LEPR: variants seen among roughly 807,000 people sequenced by gnomAD.
The protein encoded by LEPR is leptin receptor, also known as OB receptor.
LEPR carries 56 observed loss-of-function variants against 114.7 expected under a neutral mutation model. The ratio of observed to expected loss-of-function variants is 0.49; its 90% CI spans 0.39 to 0.61. LEPR has a LOEUF of 0.61. Among genes scored for constraint, LEPR ranks in the 20% least tolerant of loss-of-function variants. The probability of loss-of-function intolerance (pLI) is 0.00; values close to 1 mark genes in which losing one functional copy is unlikely to be tolerated. For missense variants in LEPR, 1,202 were observed against 1,352.9 expected (o/e 0.89, Z 1.75); for synonymous variants, 443 against 461.4 (o/e 0.96, Z 0.51).
Position 65,461,665 on chromosome 1 carries a change from G to A in LEPR, c.-21+36287G>A, listed in dbSNP as rs776439033. 5.4e-4 allele frequency among the ~76,000 whole-genome samples: 82 copies of A among 152,292 alleles called. 1 individual carries two copies. The highest frequency in any genetic ancestry group is 1.8e-3 in the African/African-American group (76 of 41,554). ...ATTTATGTAGATACTCTGTCCTCAA[G>A]GAGGTAGAGCATAATTCCACATTCA... On this transcript the variant is annotated intron_variant, in intron 2 of 19. Transcript: ENST00000349533.
intron 2 of LEPR, among the ~76,000 whole-genome samples, chr1:65,528,161 GAA>G (rs60902338): frequency 5.3e-4 from 76 of 143,784 alleles, no homozygotes; most frequent in Middle Eastern, 3.6e-3. Context: ...AAAGTATCCA[GAA>G]AAAAAAAAAA....
intron 2 of LEPR, among the ~76,000 whole-genome samples, chr1:65,506,410 A>G (rs1648731997): frequency 6.6e-6 from 1 of 152,194 alleles, no homozygotes; most frequent in African/African-American, 2.4e-5. Flanking sequence ...ATTGCATTTC[A>G]CTGGAGATCT....
intron 2 of LEPR, among the ~76,000 whole-genome samples, chr1:65,460,610 C>G (rs867264807): frequency 3.9e-5 from 6 of 152,224 alleles, no homozygotes; most frequent in Non-Finnish European, 8.8e-5. Flanking sequence ...AGGGGCCATG[C>G]GCGATGGCTC....
At position 65,437,601 on chromosome 1, in the gene LEPR, C is replaced by T. The variant is rs562575753; in HGVS notation, c.-21+12223C>T. Among the ~76,000 whole-genome samples the T allele has an allele frequency of 4.6e-5, 7 of 151,764 alleles. No homozygotes were observed. In the South Asian group the frequency reaches 8.3e-4, roughly 18 times the overall value. On this transcript the variant is annotated intron_variant, in intron 2 of 19. Coordinates refer to ENST00000349533, the MANE Select transcript of LEPR (RefSeq NM_002303.6). ...CGGAGGTTGCAGTGAGCCGAGATCG[C>T]GCCACTGCACTCTAGCCTAGGCGAC...
At chr1:65,541,899 G>A (rs1651216008) in intron 2 of LEPR, among the ~76,000 whole-genome samples, 1 of 152,136 alleles carries the variant, frequency 6.6e-6, no homozygotes, top group Admixed American at 6.5e-5. Context: ...AATGGAGCAA[G>A]TTGTAAATAA....
At chr1:65,566,010 T>C (rs748330819) in intron 3 of LEPR, among the ~76,000 whole-genome samples, 1 of 152,168 alleles carries the variant, frequency 6.6e-6, no homozygotes, top group African/African-American at 2.4e-5. Context: ...CTTTTTACCT[T>C]TATCAGTATT....
chr1:65,480,434 C>G (rs911794508), intron 2 of LEPR, among the ~76,000 whole-genome samples: 1 of 151,920 alleles, frequency 6.6e-6, no homozygotes, highest in African/African-American at 2.4e-5. Context: ...TAGAGTGAAG[C>G]TAAGATATAA....
At chr1:65,499,552 T>C (rs1415850268) in intron 2 of LEPR, among the ~76,000 whole-genome samples, 2 of 152,166 alleles carry the variant, frequency 1.3e-5, no homozygotes, top group Non-Finnish European at 2.9e-5. Flanking sequence ...AGTCCCAGCC[T>C]TCACGAGTAT....
In LEPR at chr1:65,612,757, G is replaced by A. The variant is rs1298331570; in HGVS notation, c.1995+2461G>A. On this transcript the variant is annotated intron_variant, in intron 14 of 19. Transcript: ENST00000349533. ...GTAGAATCTCCATCAAATGGGTTTT[G>A]TCTAATGTTTTCTCATGATTAATTT... Among the ~76,000 whole-genome samples, 3 of 152,140 alleles carry A rather than the reference G, an allele frequency of 2.0e-5. No homozygotes were observed. In the East Asian group the frequency reaches 5.8e-4, roughly 29 times the overall value.
chr1:65,447,974 C>T (rs78204459), intron 2 of LEPR, among the ~76,000 whole-genome samples: 3,297 of 152,250 alleles, frequency 0.022, 137 homozygotes, highest in African/African-American at 0.075. Flanking sequence ...TGAACAAAGA[C>T]AGTAATATAT....
At chr1:65,421,399 C>T in intron 1 of LEPR, 1 of 1,536,078 alleles carries the variant, frequency 6.5e-7, no homozygotes, top group Non-Finnish European at 8.7e-7. Flanking sequence ...CGTCCCTTAT[C>T]TGTATGGCTT....
At chr1:65,480,956 T>C (rs1237256123) in intron 2 of LEPR, among the ~76,000 whole-genome samples, 1 of 152,210 alleles carries the variant, frequency 6.6e-6, no homozygotes, top group Non-Finnish European at 1.5e-5. Context: ...CCTAGAGCTC[T>C]TATAACAAAA....
rs1237254059 is a variant in LEPR at position 65,432,333 on chromosome 1, T to C, written c.-21+6955T>C. ...CCTCTTTGTGTTGTAGTCCATGCTATTAAAAGTGTGGCCCACAGACCAAGA... is the reference window on the plus strand; with the variant it reads ...CCTCTTTGTGTTGTAGTCCATGCTACTAAAAGTGTGGCCCACAGACCAAGA... On this transcript the variant is annotated intron_variant, in intron 2 of 19. Transcript: ENST00000349533. 3 of 987,354 alleles carry C rather than the reference T, an allele frequency of 3.0e-6. No individual in the cohort carries two copies. In the Admixed American group the frequency reaches 1.8e-4, roughly 60 times the overall value. 61.2% of individuals were successfully genotyped at this position (987,354 alleles called of 1,614,324 possible).
chr1:65,588,676 T>C lies in LEPR; in HGVS notation c.495-3981T>C, dbSNP rs1655486105. ...TATTACTCTAGCATTTTTTAGAACT[T>C]TATATAAATGCAATCATACAGTACT... On this transcript the variant is annotated intron_variant, in intron 5 of 19. Transcript: ENST00000349533. Among the ~76,000 whole-genome samples the C allele has an allele frequency of 1.3e-5, 2 of 152,014 alleles. 1 individual carries two copies. The highest frequency in any genetic ancestry group is 1.3e-4 in the Admixed American group (2 of 15,202).
intron 2 of LEPR, among the ~76,000 whole-genome samples, chr1:65,485,108 G>A (rs1159053860): frequency 6.6e-6 from 1 of 152,088 alleles, no homozygotes; most frequent in Non-Finnish European, 1.5e-5. Flanking sequence ...ATCTACTGGG[G>A]TTCAAATTCC....
intron 2 of LEPR, among the ~76,000 whole-genome samples, chr1:65,547,985 C>T (rs1651911720): frequency 6.6e-6 from 1 of 151,432 alleles, no homozygotes; most frequent in Non-Finnish European, 1.5e-5. Context: ...TTGAATGTGT[C>T]CCAGAGATTC....
intron 10 of LEPR, 115 bp from the exon 11 acceptor site, chr1:65,604,923 C>T: frequency 7.7e-7 from 1 of 1,300,126 alleles, no homozygotes; most frequent in Non-Finnish European, 1.1e-6. Flanking sequence ...GAAACCGGTC[C>T]CTGGTGCCAA....
chr1:65,637,105 C>G lies in LEPR; in HGVS notation c.*90C>G. 1 of 1,369,008 alleles carries G rather than the reference C, an allele frequency of 7.3e-7. No individual in the cohort carries two copies. The highest frequency in any genetic ancestry group is 2.3e-5 in the East Asian group (1 of 42,664). The allele number at this position is 1,369,008 out of a possible 1,614,324, so 84.8% of individuals were successfully genotyped here. On this transcript the variant is annotated 3_prime_UTR_variant, in exon 20 of 20. Transcript: ENST00000349533. ...TGTGGGTGGGAGAGAGAAAAGAAACCAGAGTCAAATTTGAAAATAATTGTT... is the reference window on the plus strand; with the variant it reads ...TGTGGGTGGGAGAGAGAAAAGAAACGAGAGTCAAATTTGAAAATAATTGTT...
rs1458452176 is a variant in LEPR, at chr1:65,633,166, T to C, written c.2674-3025T>C. The C allele has an allele frequency of 6.2e-7, 1 of 1,601,878 alleles. No individual in the cohort carries two copies. Among genetic ancestry groups the C allele is most frequent in the East Asian group, 2.2e-5 (1 of 44,714 alleles). ...TATCTAAACAGAGAACGGACATTCT[T>C]TGAAGTCTAATCATGATCACTACAG... On this transcript the variant is annotated intron_variant, in intron 19 of 19. Coordinates refer to ENST00000349533, the MANE Select transcript of LEPR (RefSeq NM_002303.6). This position sits in a 1 kb window ranked among gnomAD's most constrained non-coding sequence, Gnocchi z 4.1.
Sources: gnomAD v4.1 joint callset for allele counts (sites outside exome capture counted in the v4.1 genomes callset) on GRCh38, gnomAD v4.1.1 for gene constraint, Gnocchi (gnomAD v3.1) non-coding constraint, MANE v1.5 for transcripts, NCBI Gene and HGNC (gene_info 2026-07-23, HGNC 2026-07-21) for gene names.